Variants in MEF2C observed in about 807,000 individuals in gnomAD.
The protein encoded by MEF2C is myocyte-specific enhancer factor 2C.
A neutral mutation model predicts 50.5 loss-of-function variants in MEF2C; 6 were observed. The ratio of observed to expected loss-of-function variants is 0.12; its 90% CI spans 0.07 to 0.23. MEF2C has a LOEUF of 0.23. MEF2C is among the 10% of genes least tolerant of loss of function. MEF2C has a pLI of 1.00. For missense variants in MEF2C, 276 were observed against 605.0 expected (o/e 0.46, Z 5.70); for synonymous variants, 183 against 228.0 (o/e 0.80, Z 1.78).
rs1755111928 is a variant in MEF2C, at chr5:88,717,571, T to C, written c.*5033A>G. The stretch of plus-strand genomic sequence containing the variant: ...AAAGCACTGCTATTTTGAAGCCACA[T>C]GCAACATTTCCTCGAACTGCATTCT... On this transcript the variant is annotated 3_prime_UTR_variant, in exon 11 of 11. Transcript: ENST00000504921. The C allele has an allele frequency of 6.6e-6, 1 of 152,236 alleles. No homozygotes were observed. The highest frequency in any genetic ancestry group is 2.4e-5 in the African/African-American group (1 of 41,458). The allele number at this position is 152,236 out of a possible 1,614,324, so 9.4% of individuals were successfully genotyped here. A position where few individuals can be genotyped will look rare whatever the true frequency, so the allele number is the denominator to read the frequency against.
intron 6 of MEF2C, among the ~76,000 whole-genome samples, chr5:88,745,769 C>T (rs1418152255): frequency 6.6e-6 from 1 of 152,190 alleles, no homozygotes; most frequent in Admixed American, 6.5e-5. Flanking sequence ...GAGCCTAGAT[C>T]GTGCCACTGC....
chr5:88,841,703 G>A (rs2153329653), intron 1 of MEF2C, among the ~76,000 whole-genome samples: 1 of 152,152 alleles, frequency 6.6e-6, no homozygotes, highest in East Asian at 1.9e-4. Flanking sequence ...GCATAATAAA[G>A]GTGAAAAATA....
intron 6 of MEF2C, chr5:88,733,748 G>A: frequency 2.0e-6 from 2 of 985,148 alleles, no homozygotes; most frequent in East Asian, 2.3e-4. Flanking sequence ...CTGTCAATTG[G>A]ATTATGAATA....
intron 6 of MEF2C, among the ~76,000 whole-genome samples, chr5:88,745,042 T>A (rs115882903): frequency 6.6e-6 from 1 of 152,352 alleles, no homozygotes; most frequent in Non-Finnish European, 1.5e-5. Context: ...CAAGGGTATA[T>A]CTTTTTTTAT....
intron 3 of MEF2C, among the ~76,000 whole-genome samples, chr5:88,780,490 C>T (rs1239895704): frequency 1.3e-5 from 2 of 152,124 alleles, no homozygotes; most frequent in Non-Finnish European, 2.9e-5. Flanking sequence ...TAGCGATATA[C>T]ATTGTGGGTA....
intron 1 of MEF2C, among the ~76,000 whole-genome samples, chr5:88,880,342 G>A (rs1401709646): frequency 6.6e-6 from 1 of 151,812 alleles, no homozygotes; most frequent in African/African-American, 2.4e-5. Context: ...ATGTTGCTTC[G>A]AATCATGTCC....
exon 1 of MEF2C, chr5:88,903,934 C>T (rs1193151760): frequency 2.0e-5 from 3 of 151,894 alleles, no homozygotes; most frequent in East Asian, 3.9e-4. Context: ...TTCTGCTTCT[C>T]CAGGAAGTTG....
intron 6 of MEF2C, chr5:88,738,510 A>G: frequency 1.2e-6 from 1 of 863,848 alleles, no homozygotes; most frequent in Non-Finnish European, 1.4e-6. Flanking sequence ...AGGTCCAGGA[A>G]TTTGCTCAAT....
intron 1 of MEF2C, among the ~76,000 whole-genome samples, chr5:88,842,754 T>A (rs1291082216): frequency 1.3e-5 from 2 of 152,224 alleles, no homozygotes; most frequent in African/African-American, 2.4e-5. Context: ...TGTCTGCCAG[T>A]ATGTCAACTT....
intron 10 of MEF2C, among the ~76,000 whole-genome samples, chr5:88,724,935 T>C (rs994342064): frequency 6.6e-6 from 1 of 152,148 alleles, no homozygotes; most frequent in African/African-American, 2.4e-5. Flanking sequence ...AAAAGTGATA[T>C]GTCAATAAAT....
At position 88,822,160 on chromosome 5, in the gene MEF2C, A is replaced by T. The variant is rs1808690476; in HGVS notation, c.54+1575T>A. Among the ~76,000 whole-genome samples, 6 of 152,126 alleles carry T rather than the reference A, an allele frequency of 3.9e-5. 1 individual carries two copies. The highest frequency in any genetic ancestry group is 1.4e-4 in the African/African-American group (6 of 41,560). The stretch of plus-strand genomic sequence containing the variant: ...GCAAAAATTTTCTTCTAACTTTGCA[A>T]GCAAAAGAAGATATAATGAATATCA... On this transcript the variant is annotated intron_variant, in intron 2 of 10. Transcript: ENST00000504921.
Position 88,739,373 on chromosome 5 carries a change from C to T in MEF2C, c.638-7472G>A, listed in dbSNP as rs1017516424. 5 of 982,852 alleles carry T rather than the reference C, an allele frequency of 5.1e-6. No homozygotes were observed. In the South Asian group the frequency reaches 1.4e-4, roughly 28 times the overall value. The allele number at this position is 982,852 out of a possible 1,614,324, so 60.9% of individuals were successfully genotyped here. ...AATAAAGCAATTTTGAAAACAGTTA[C>T]AGCATACTGGGTTGTTAGACAGGAA... On this transcript the variant is annotated intron_variant, in intron 6 of 10. Transcript: ENST00000504921.
chr5:88,849,937 TTTTG>T (rs897452842), intron 1 of MEF2C, among the ~76,000 whole-genome samples: 2 of 152,192 alleles, frequency 1.3e-5, no homozygotes, highest in South Asian at 2.1e-4. Context: ...AATTTATTTT[TTTTG>T]TTTGTTTATT....
intron 3 of MEF2C, among the ~76,000 whole-genome samples, chr5:88,772,515 G>T (rs1425419366): frequency 6.6e-6 from 1 of 152,158 alleles, no homozygotes; most frequent in Admixed American, 6.5e-5. Flanking sequence ...TTAAGTCACA[G>T]GACCAACATC....
At chr5:88,733,456 A>G (rs1762540272) in intron 6 of MEF2C, 1 of 985,248 alleles carries the variant, frequency 1.0e-6, no homozygotes, top group Non-Finnish European at 1.2e-6. Flanking sequence ...AAGTGGTCAG[A>G]AAGATCTACT....
intron 3 of MEF2C, among the ~76,000 whole-genome samples, chr5:88,784,884 C>T (rs552224808): frequency 6.6e-6 from 1 of 152,218 alleles, no homozygotes; most frequent in South Asian, 2.1e-4. Flanking sequence ...TTGGTAATTA[C>T]TAATACACCA....
intron 1 of MEF2C, among the ~76,000 whole-genome samples, chr5:88,829,888 T>C (rs1383892353): frequency 6.6e-6 from 1 of 151,990 alleles, no homozygotes; most frequent in Non-Finnish European, 1.5e-5. Flanking sequence ...GATCATAACA[T>C]GTGGTACTAT....
intron 2 of MEF2C, among the ~76,000 whole-genome samples, chr5:88,810,338 T>A (rs912546856): frequency 1.1e-4 from 16 of 152,246 alleles, no homozygotes; most frequent in African/African-American, 3.8e-4. Flanking sequence ...GAGAAAAATA[T>A]ATATGTAAAT....
At chr5:88,865,822 C>T (rs1245013604) in intron 1 of MEF2C, among the ~76,000 whole-genome samples, 1 of 152,152 alleles carries the variant, frequency 6.6e-6, no homozygotes, top group Non-Finnish European at 1.5e-5. Context: ...GACAGGAAGG[C>T]TGTTTATCAC....
Sources: allele counts gnomAD v4.1 joint callset (sites outside exome capture counted in the v4.1 genomes callset), GRCh38; gene constraint gnomAD v4.1.1; transcripts MANE v1.5; gene names NCBI Gene and HGNC (gene_info 2026-07-23, HGNC 2026-07-21).